Variants in THNSL1 observed in about 807,000 individuals in gnomAD.
THNSL1 encodes the protein threonine synthase like 1.
Under a neutral mutation model 50.4 loss-of-function variants are expected in THNSL1, and 48 were observed. That is an observed-to-expected ratio of 0.95 (90% CI 0.76 to 1.21). The LOEUF (loss-of-function observed/expected upper bound fraction) is 1.21. Ranked by LOEUF, THNSL1 falls within the 50% of genes most tolerant of loss-of-function variation. The probability of loss-of-function intolerance (pLI) is 0.00; values close to 1 mark genes in which losing one functional copy is unlikely to be tolerated. For synonymous variants in THNSL1, 309 were observed against 306.1 expected, an observed-to-expected ratio of 1.01 and a Z score of -0.10; for missense variants, 896 against 871.7, an observed-to-expected ratio of 1.03 and a Z score of -0.35.
At chr10:25,020,266 A>ATCTATG (rs1449635695) in intron 1 of THNSL1, among the ~76,000 whole-genome samples, 2 of 137,458 alleles carry the variant, frequency 1.5e-5, no homozygotes, top group African/African-American at 5.0e-5. Context: ...CTATATCTAT[A>ATCTATG]TCTATATCTA....
At chr10:24,997,561 A>C in the THNSL1 span, among the ~76,000 whole-genome samples, 2 of 151,794 alleles carry the variant, frequency 1.3e-5, no homozygotes, top group Non-Finnish European at 2.9e-5. Context: ...TAATTAAAAA[A>C]AATTTTTTAT....
chr10:24,991,538 C>T, the THNSL1 span, among the ~76,000 whole-genome samples: 15 of 152,152 alleles, frequency 9.9e-5, no homozygotes, highest in Admixed American at 2.6e-4. Flanking sequence ...ACCAGCATGC[C>T]GGCAGGCCAT....
chr10:25,004,271 C>A, the THNSL1 span, among the ~76,000 whole-genome samples: 14 of 152,158 alleles, frequency 9.2e-5, no homozygotes, highest in Non-Finnish European at 1.5e-4. Context: ...AGAACAATTT[C>A]TATTCCTTTG....
chr10:24,995,507 A>G, the THNSL1 span: 1 of 739,894 alleles, frequency 1.4e-6, no homozygotes, highest in Admixed American at 3.1e-5. Context: ...CCAAACACAG[A>G]TTGCAGAAGA....
At chr10:24,991,112 A>G in the THNSL1 span, among the ~76,000 whole-genome samples, 2,558 of 152,170 alleles carry the variant, frequency 0.017, 79 homozygotes, top group African/African-American at 0.059. Context: ...ACATAAATAA[A>G]TGGAGTTGTT....
At chr10:24,953,914 T>C in the THNSL1 span, among the ~76,000 whole-genome samples, 32 of 152,340 alleles carry the variant, frequency 2.1e-4, no homozygotes, top group Middle Eastern at 6.8e-3. Flanking sequence ...GCCAGCGCCT[T>C]GGAGGGTGCA....
the THNSL1 span, among the ~76,000 whole-genome samples, chr10:25,002,572 A>C: frequency 6.6e-6 from 1 of 152,118 alleles, no homozygotes; most frequent in African/African-American, 2.4e-5. Context: ...AGAGTCTGAT[A>C]ACTGTTGTTT....
At chr10:24,967,127 C>T in the THNSL1 span, among the ~76,000 whole-genome samples, 4 of 152,084 alleles carry the variant, frequency 2.6e-5, no homozygotes, top group South Asian at 8.3e-4. Flanking sequence ...AATTTCTGGG[C>T]TCCACGAATT....
At chr10:24,985,640 T>C in the THNSL1 span, among the ~76,000 whole-genome samples, 450 of 152,384 alleles carry the variant, frequency 3.0e-3, 2 homozygotes, top group African/African-American at 0.011. Flanking sequence ...ATAAAAGTTA[T>C]TTCTGTTTCT....
chr10:24,984,693 T>G, the THNSL1 span: 1 of 1,521,820 alleles, frequency 6.6e-7, no homozygotes, highest in East Asian at 2.3e-5. Flanking sequence ...CATGTTTTTT[T>G]CCCCTACATT....
At chr10:25,019,376 A>C (rs1850673614) in intron 1 of THNSL1, among the ~76,000 whole-genome samples, 1 of 152,154 alleles carries the variant, frequency 6.6e-6, no homozygotes, top group African/African-American at 2.4e-5. Context: ...TGGGAGGCTG[A>C]GGTGGGAGGA....
the THNSL1 span, chr10:24,984,839 T>C: frequency 3.1e-6 from 5 of 1,613,704 alleles, no homozygotes; most frequent in Non-Finnish European, 4.2e-6. Flanking sequence ...TTCTTTGGTA[T>C]AGAATCTATA....
chr10:25,023,834 A>G lies in THNSL1; in HGVS notation c.611A>G (p.Glu204Gly). Residue 204 changes from glutamate (E) to glycine (G), a missense_variant, in exon 3 of 3, where the codon GAA becomes GGA. Coordinates refer to ENST00000376356, the MANE Select transcript of THNSL1 (RefSeq NM_024838.5). ...TGGTATGATGCTCGTGTTTTCTGTG[A>G]AAGTGGGGCTTCCCCAGAGGAGGTA... ...KKWYDARVFCESGASPEEVAD... is the reference protein window; with the variant it reads ...KKWYDARVFCGSGASPEEVAD... 6.2e-7 allele frequency: 1 copy of G among 1,614,212 alleles called. No homozygotes were observed. Among genetic ancestry groups the G allele is most frequent in the East Asian group, 2.2e-5 (1 of 44,888 alleles).
the THNSL1 span, among the ~76,000 whole-genome samples, chr10:24,976,980 G>A: frequency 6.6e-5 from 10 of 152,196 alleles, no homozygotes; most frequent in African/African-American, 2.4e-4. Flanking sequence ...GGACAGGGAA[G>A]GGAGTGTCCC....
chr10:24,969,194 A>G, the THNSL1 span, among the ~76,000 whole-genome samples: 2 of 152,172 alleles, frequency 1.3e-5, no homozygotes, highest in Non-Finnish European at 2.9e-5. Flanking sequence ...GCGCCCGGCC[A>G]CATTTGACTA....
upstream of THNSL1, chr10:25,016,522 G>C (rs1850580384): frequency 6.5e-6 from 1 of 152,758 alleles, no homozygotes. Flanking sequence ...GACGAGGGAG[G>C]GGAGGAGCCT....
At chr10:24,988,618 T>C in the THNSL1 span, among the ~76,000 whole-genome samples, 8 of 103,418 alleles carry the variant, frequency 7.7e-5, no homozygotes, top group African/African-American at 2.7e-4. Flanking sequence ...CACTGGAGGA[T>C]TATAGATCTT....
At chr10:25,017,088 C>T (rs1850613058) in intron 1 of THNSL1, among the ~76,000 whole-genome samples, 1 of 152,188 alleles carries the variant, frequency 6.6e-6, no homozygotes, top group African/African-American at 2.4e-5. Context: ...CTGCTCTTCC[C>T]CGGGTCGGGA....
At chr10:24,991,324 T>C in the THNSL1 span, among the ~76,000 whole-genome samples, 2 of 152,122 alleles carry the variant, frequency 1.3e-5, no homozygotes, top group Non-Finnish European at 2.9e-5. Flanking sequence ...CTTGAATATT[T>C]TGAAGTCTCT....
Sources: gnomAD v4.1 joint callset for allele counts (sites outside exome capture counted in the v4.1 genomes callset) on GRCh38, gnomAD v4.1.1 for gene constraint, MANE v1.5 for transcripts, NCBI Gene and HGNC (gene_info 2026-07-23, HGNC 2026-07-21) for gene names.